The following ATXN7L1 variants were observed in gnomAD, a reference collection of about 807,000 sequenced individuals.
ATXN7L1 encodes ataxin-7-like protein 1.
A neutral mutation model predicts 70.8 loss-of-function variants in ATXN7L1; 15 were observed. The observed-to-expected ratio is 0.21, with a 90% CI of 0.14 to 0.33. ATXN7L1 has a LOEUF of 0.33. Among genes scored for constraint, ATXN7L1 ranks in the 10% least tolerant of loss-of-function variants. ATXN7L1 has a pLI of 1.00. For missense variants in ATXN7L1, 975 were observed against 1,097.1 expected, an observed-to-expected ratio of 0.89 and a Z score of 1.57; for synonymous variants, 440 against 445.1, an observed-to-expected ratio of 0.99 and a Z score of 0.14.
At chr7:105,710,585 A>AT (rs1409228831) in intron 3 of ATXN7L1, among the ~76,000 whole-genome samples, 5 of 151,178 alleles carry the variant, frequency 3.3e-5, no homozygotes, top group Non-Finnish European at 7.4e-5. Context: ...TTTTTTTTGT[A>AT]TTTTTTTAGT....
intron 2 of ATXN7L1, among the ~76,000 whole-genome samples, chr7:105,797,409 C>T (rs1349282733): frequency 6.6e-6 from 1 of 152,192 alleles, no homozygotes; most frequent in African/African-American, 2.4e-5. Context: ...GGAGAAGGAC[C>T]TTTAAAGACC....
In ATXN7L1 at chr7:105,836,717, C is replaced by T. The variant is rs553051047; in HGVS notation, c.250+39095G>A. Among the ~76,000 whole-genome samples the T allele has an allele frequency of 7.2e-5, 11 of 152,292 alleles. No homozygotes were observed. In the South Asian group the frequency reaches 1.5e-3, roughly 20 times the overall value. ...ATCATCTTGAAAGCAGTCTGTTAGG[C>T]TGTTCTTGCACTGCTATAAAGAAAT... On this transcript the variant is annotated intron_variant, in intron 2 of 11. Coordinates refer to ENST00000419735, the MANE Select transcript of ATXN7L1 (RefSeq NM_020725.2).
At chr7:105,622,788 A>G (rs1795123251) in intron 8 of ATXN7L1, among the ~76,000 whole-genome samples, 1 of 152,190 alleles carries the variant, frequency 6.6e-6, no homozygotes, top group African/African-American at 2.4e-5. Context: ...ACATAAGGCA[A>G]CATCTTGGAA....
intron 3 of ATXN7L1, among the ~76,000 whole-genome samples, chr7:105,716,043 G>A (rs1279521385): frequency 6.6e-6 from 1 of 152,050 alleles, no homozygotes; most frequent in Non-Finnish European, 1.5e-5. Context: ...AGATGGTGTT[G>A]GAGAAGAAGG....
chr7:105,761,943 C>G (rs1800613544), intron 3 of ATXN7L1, among the ~76,000 whole-genome samples: 1 of 152,132 alleles, frequency 6.6e-6, no homozygotes, highest in African/African-American at 2.4e-5. Context: ...TTAGCTTATT[C>G]CCTGGGGATG....
At chr7:105,739,609 A>G (rs989484327) in intron 3 of ATXN7L1, among the ~76,000 whole-genome samples, 33 of 152,390 alleles carry the variant, frequency 2.2e-4, no homozygotes, top group Admixed American at 1.9e-3. Flanking sequence ...TCTGTCACTA[A>G]TGAGCTATGT....
intron 3 of ATXN7L1, among the ~76,000 whole-genome samples, chr7:105,758,261 A>G (rs1800053982): frequency 6.6e-6 from 1 of 152,190 alleles, no homozygotes; most frequent in Non-Finnish European, 1.5e-5. Flanking sequence ...TGCTTCCATC[A>G]GCTCACTTCT....
At position 105,769,914 on chromosome 7, in the gene ATXN7L1, T is replaced by C. The variant is rs536021075; in HGVS notation, c.355+18690A>G. The stretch of plus-strand genomic sequence containing the variant: ...CACCTCTAAGTTATTTTCCTGATCC[T>C]TGCCAGTGGCGTTCTGCCACCAGCT... On this transcript the variant is annotated intron_variant, in intron 3 of 11. Transcript: ENST00000419735. Among the ~76,000 whole-genome samples the C allele has an allele frequency of 1.6e-3, 243 of 152,364 alleles. 3 individuals carry two copies. The highest frequency in any genetic ancestry group is 3.4e-3 in the Middle Eastern group (1 of 294).
rs1230078648 is a variant in ATXN7L1 at position 105,740,785 on chromosome 7, A to G, written c.355+47819T>C. ...GCTCCATTCATTTTTTTTTTTTTTT[A>G]ATGGAGTCTCACTCTGTCGCCCAGG... On this transcript the variant is annotated intron_variant, in intron 3 of 11. Coordinates refer to ENST00000419735, the MANE Select transcript of ATXN7L1 (RefSeq NM_020725.2). Among the ~76,000 whole-genome samples the G allele has an allele frequency of 4.1e-5, 3 of 72,538 alleles. 1 individual carries two copies. The highest frequency in any genetic ancestry group is 1.3e-3 in the East Asian group (2 of 1,544). 47.6% of individuals were successfully genotyped at this position (72,538 alleles called of 152,430 possible). A position where few individuals can be genotyped will look rare whatever the true frequency, so the allele number is the denominator to read the frequency against.
intron 2 of ATXN7L1, among the ~76,000 whole-genome samples, chr7:105,808,066 C>T (rs1482364704): frequency 1.3e-5 from 2 of 152,152 alleles, no homozygotes; most frequent in Non-Finnish European, 2.9e-5. Context: ...CCCAAGAATA[C>T]AGCACTGTCC....
At chr7:105,686,896 G>C (rs1186867976) in intron 3 of ATXN7L1, among the ~76,000 whole-genome samples, 1 of 152,172 alleles carries the variant, frequency 6.6e-6, no homozygotes, top group Non-Finnish European at 1.5e-5. Context: ...ACAGATCAGG[G>C]AGTTGGCCCA....
intron 3 of ATXN7L1, among the ~76,000 whole-genome samples, chr7:105,756,921 T>C (rs1799872954): frequency 6.6e-6 from 1 of 152,192 alleles, no homozygotes; most frequent in Admixed American, 6.5e-5. Context: ...GATGGGAGTT[T>C]TTTTTAACAC....
intron 3 of ATXN7L1, among the ~76,000 whole-genome samples, chr7:105,703,376 T>C (rs900665102): frequency 1.3e-5 from 2 of 151,682 alleles, no homozygotes; most frequent in African/African-American, 2.4e-5. Context: ...AGGCTTTACA[T>C]TTCCAGGTCA....
At chr7:105,640,834 C>G (rs1036317017) in intron 5 of ATXN7L1, among the ~76,000 whole-genome samples, 5 of 152,218 alleles carry the variant, frequency 3.3e-5, no homozygotes, top group Non-Finnish European at 5.9e-5. Context: ...ATAAGTCCTG[C>G]AGAGCAGGAA....
intron 4 of ATXN7L1, among the ~76,000 whole-genome samples, chr7:105,660,303 GAAGTCCAAATTCCTGA>G (rs1280173842): frequency 6.6e-6 from 1 of 152,088 alleles, no homozygotes; most frequent in Non-Finnish European, 1.5e-5. Context: ...TTTCCAGGGT[GAAGTCCAAATTCCTGA>G]ACTTAACACA....
intron 2 of ATXN7L1, among the ~76,000 whole-genome samples, chr7:105,850,286 C>G (rs914872074): frequency 3.3e-5 from 5 of 152,230 alleles, no homozygotes; most frequent in African/African-American, 9.6e-5. Flanking sequence ...TCATGCCTGT[C>G]ATGCCCCATG....
At chr7:105,658,926 G>A (rs1295250927) in intron 4 of ATXN7L1, among the ~76,000 whole-genome samples, 3 of 152,148 alleles carry the variant, frequency 2.0e-5, no homozygotes, top group South Asian at 2.1e-4. Context: ...GACGGATCAT[G>A]AGGAGTTCAA....
chr7:105,874,429 G>T (rs1818726278), intron 2 of ATXN7L1, among the ~76,000 whole-genome samples: 1 of 152,174 alleles, frequency 6.6e-6, no homozygotes. Flanking sequence ...ATAATCTCTA[G>T]TGATGCTTCC....
rs1812453017 is a variant in ATXN7L1 at position 105,836,833 on chromosome 7, A to G, written c.250+38979T>C. Reference sequence around the variant, plus strand: ...CCCAGCACTTTTGGGAGGCTGAGACAGATCACCTGAGGTCAGGAGTTTGAG... The same window carrying G: ...CCCAGCACTTTTGGGAGGCTGAGACGGATCACCTGAGGTCAGGAGTTTGAG... On this transcript the variant is annotated intron_variant, in intron 2 of 11. Transcript: ENST00000419735. 2.0e-5 allele frequency among the ~76,000 whole-genome samples: 3 copies of G among 152,166 alleles called. No individual in the cohort carries two copies. The South Asian group carries it at 6.2e-4, about 32-fold the overall frequency.
Sources: allele counts gnomAD v4.1 joint callset (sites outside exome capture counted in the v4.1 genomes callset), GRCh38; gene constraint gnomAD v4.1.1; transcripts MANE v1.5; gene names NCBI Gene and HGNC (gene_info 2026-07-23, HGNC 2026-07-21).